ZNF135: variants seen among roughly 807,000 people sequenced by gnomAD.
ZNF135 encodes zinc finger protein 135 (clone pHZ-17).
In ZNF135, 11 loss-of-function variants were observed where a neutral mutation model predicts 12.3. The observed-to-expected ratio is 0.89, with a 90% CI of 0.56 to 1.48. The LOEUF is 1.48. Among genes scored for constraint, ZNF135 ranks in the 40% most tolerant of loss-of-function variants. The probability of loss-of-function intolerance (pLI) is 0.00; values close to 1 mark genes in which losing one functional copy is unlikely to be tolerated. For synonymous variants in ZNF135, 316 were observed against 312.0 expected, an observed-to-expected ratio of 1.01 and a Z score of -0.14; for missense variants, 722 against 815.7, an observed-to-expected ratio of 0.89 and a Z score of 1.40.
chr19:58,062,954 G>T (rs979393467), intron 3 of ZNF135, among the ~76,000 whole-genome samples: 1 of 152,160 alleles, frequency 6.6e-6, no homozygotes, highest in South Asian at 2.1e-4. Flanking sequence ...GCCTCCCAAA[G>T]TGCTGGAATT....
At position 58,068,280 on chromosome 19, in the gene ZNF135, C is replaced by T. The variant is rs769954512; in HGVS notation, c.1796C>T (p.Thr599Met). The T allele has an allele frequency of 2.7e-5, 43 of 1,613,814 alleles. No individual in the cohort carries two copies. The highest frequency in any genetic ancestry group is 6.7e-5 in the East Asian group (3 of 44,858). The stretch of plus-strand genomic sequence containing the variant: ...TCCTCGCTCAGCCAGCACGAAAGGA[C>T]GCACACTGGGGAAAAGCCCTATGAG... Reference protein sequence around the residue: ...HSSSLSQHERTHTGEKPYECH... With the variant: ...HSSSLSQHERMHTGEKPYECH... Residue 599 changes from threonine (T) to methionine (M), a missense_variant, in exon 5 of 5, where the codon ACG becomes ATG. By Grantham distance (81) the Thr-to-Met change is moderately conservative. Coordinates refer to ENST00000313434, the MANE Select transcript of ZNF135 (RefSeq NM_001289401.2).
In ZNF135 at chr19:58,067,988, G is replaced by A. The variant is rs1395286497; in HGVS notation, c.1504G>A (p.Ala502Thr). 1 of 1,613,760 alleles carries A rather than the reference G, an allele frequency of 6.2e-7. No homozygotes were observed. Among genetic ancestry groups the A allele is most frequent in the Non-Finnish European group, 8.5e-7 (1 of 1,179,996 alleles). ...CTATGAATGCAATGACTGCGGCAAGGCATTCAGTCACAGCTCGTCCCTCAC... is the reference window on the plus strand; with the variant it reads ...CTATGAATGCAATGACTGCGGCAAGACATTCAGTCACAGCTCGTCCCTCAC... ...KPYECNDCGK[A>T]FSHSSSLTKH... The change falls in exon 5 of 5, where the codon GCA becomes ACA. Residue 502 changes from alanine (A) to threonine (T), a missense_variant. Ala to Thr is a moderately conservative substitution (Grantham distance 58). Transcript: ENST00000313434.
In ZNF135 at chr19:58,059,809, C is replaced by A. The variant is rs1003392654; in HGVS notation, c.-34-160C>A. The A allele has an allele frequency of 1.7e-4, 147 of 857,734 alleles. No homozygotes were observed. The highest frequency in any genetic ancestry group is 2.4e-4 in the Non-Finnish European group (138 of 574,734). The allele number at this position is 857,734 out of a possible 1,614,324, so 53.1% of individuals were successfully genotyped here. ...GGGAAAACCCTAGGCTGCCCTTCTC[C>A]GAGCGGAGGGCCGCCCCACACACAG... On this transcript the variant is annotated intron_variant, in intron 1 of 4. Coordinates refer to ENST00000313434, the MANE Select transcript of ZNF135 (RefSeq NM_001289401.2). This position sits in a 1 kb window ranked among gnomAD's most constrained non-coding sequence, Gnocchi z 6.5.
chr19:58,059,942 C>T lies in ZNF135; in HGVS notation c.-34-27C>T. ...ACCTGAGCACCGCCTCTGCCTGCCC[C>T]AGCTGCTCACCTCCCCTTTCCCACA... On this transcript the variant is annotated intron_variant, in intron 1 of 4. Transcript: ENST00000313434. This position sits in a 1 kb window ranked among gnomAD's most constrained non-coding sequence, Gnocchi z 6.5. The T allele has an allele frequency of 6.2e-7, 1 of 1,610,964 alleles. No homozygotes were observed. Among genetic ancestry groups the T allele is most frequent in the South Asian group, 1.1e-5 (1 of 91,016 alleles).
At position 58,067,326 on chromosome 19, in the gene ZNF135, A is replaced by G. The variant is rs1302360805; in HGVS notation, c.842A>G (p.Gln281Arg). Reference protein sequence around the residue: ...KCTQCGRTFNQIAPLIQHQRT... With the variant: ...KCTQCGRTFNRIAPLIQHQRT... ...ACTCAGTGTGGGAGGACCTTCAACC[A>G]AATTGCCCCACTGATCCAGCACCAG... Residue 281 changes from glutamine (Q) to arginine (R), a missense_variant, in exon 5 of 5, where the codon CAA becomes CGA. Transcript: ENST00000313434. 6.8e-6 allele frequency: 11 copies of G among 1,614,058 alleles called. No individual in the cohort carries two copies. In the Admixed American group the frequency reaches 1.0e-4, roughly 15 times the overall value.
Position 58,060,017 on chromosome 19 carries a change from G to T in ZNF135, c.15G>T (p.Val5=). The T allele has an allele frequency of 6.2e-7, 1 of 1,613,518 alleles. No individual in the cohort carries two copies. The highest frequency in any genetic ancestry group is 8.5e-7 in the Non-Finnish European group (1 of 1,179,870). Residue 5 remains valine (V), a synonymous_variant, in exon 2 of 5, where the codon GTG becomes GTT. Transcript: ENST00000313434. This position sits in a 1 kb window ranked among gnomAD's most constrained non-coding sequence, Gnocchi z 4.9. ...GAAGCCAGGGCATGACCCCTGGGGTGCGCGTCTCCACAGACCCGGTGAGAA... is the reference window on the plus strand; with the variant it reads ...GAAGCCAGGGCATGACCCCTGGGGTTCGCGTCTCCACAGACCCGGTGAGAA... MTPG[V]RVSTDPEQVT...
In ZNF135 at chr19:58,068,515, C is replaced by G. The variant is rs749060163; in HGVS notation, c.*54C>G. On this transcript the variant is annotated 3_prime_UTR_variant, in exon 5 of 5. Coordinates refer to ENST00000313434, the MANE Select transcript of ZNF135 (RefSeq NM_001289401.2). Reference sequence around the variant, plus strand: ...GAAGACCTTAAGCCATAGCTCATCCCTTTCTAGATTTGACCCAATCATACA... The same window carrying G: ...GAAGACCTTAAGCCATAGCTCATCCGTTTCTAGATTTGACCCAATCATACA... The G allele has an allele frequency of 3.2e-6, 5 of 1,567,228 alleles. No individual in the cohort carries two copies. The highest frequency in any genetic ancestry group is 4.3e-6 in the Non-Finnish European group (5 of 1,157,422).
Position 58,063,231 on chromosome 19 carries a change from G to C in ZNF135, c.161-215G>C, listed in dbSNP as rs1387602502. Among the ~76,000 whole-genome samples the C allele has an allele frequency of 6.6e-6, 1 of 152,172 alleles. No homozygotes were observed. Among genetic ancestry groups the C allele is most frequent in the Non-Finnish European group, 1.5e-5 (1 of 68,040 alleles). On this transcript the variant is annotated intron_variant, in intron 3 of 4. Coordinates refer to ENST00000313434, the MANE Select transcript of ZNF135 (RefSeq NM_001289401.2). The surrounding 1 kb of genome is among the most constrained non-coding windows in gnomAD (Gnocchi z 4.4). ...ACCAGAGTTCTGATTGTCCAGGCTTGGGTCACATGTCCACCCCAGAACCAG... is the reference window on the plus strand; with the variant it reads ...ACCAGAGTTCTGATTGTCCAGGCTTCGGTCACATGTCCACCCCAGAACCAG...
At position 58,065,369 on chromosome 19, in the gene ZNF135, T is replaced by C. The variant is rs143563895; in HGVS notation, c.257-1372T>C. Among the ~76,000 whole-genome samples the C allele has an allele frequency of 1.3e-5, 2 of 152,256 alleles. No individual in the cohort carries two copies. Among genetic ancestry groups the C allele is most frequent in the Non-Finnish European group, 2.9e-5 (2 of 68,032 alleles). On this transcript the variant is annotated intron_variant, in intron 4 of 4. Transcript: ENST00000313434. This position sits in a 1 kb window ranked among gnomAD's most constrained non-coding sequence, Gnocchi z 4.0. ...TCACCATGCCCAGCTAATTTTTTTT[T>C]ATTTTTTGTAGAAACAAGGTCTCAT...
At position 58,063,337 on chromosome 19, in the gene ZNF135, C is replaced by G; in HGVS notation, c.161-109C>G. On this transcript the variant is annotated intron_variant, in intron 3 of 4. Coordinates refer to ENST00000313434, the MANE Select transcript of ZNF135 (RefSeq NM_001289401.2). This position sits in a 1 kb window ranked among gnomAD's most constrained non-coding sequence, Gnocchi z 4.4. ...TGTGGGTATGACAGCTGAAGTCACT[C>G]AGGGGTCCCCAGCCATCTGGGACCT... 6.7e-7 allele frequency: 1 copy of G among 1,501,208 alleles called. No homozygotes were observed. Among genetic ancestry groups the G allele is most frequent in the Non-Finnish European group, 8.9e-7 (1 of 1,119,804 alleles). The allele number at this position is 1,501,208 out of a possible 1,614,324, so 93.0% of individuals were successfully genotyped here.
Position 58,059,355 on chromosome 19 carries a change from C to CGGGCT in ZNF135, c.-35+49_-35+50insTGGGC, listed in dbSNP as rs1488071349. 1 of 766,662 alleles carries CGGGCT rather than the reference C, an allele frequency of 1.3e-6. No homozygotes were observed. Among genetic ancestry groups the CGGGCT allele is most frequent in the South Asian group, 2.7e-5 (1 of 36,650 alleles). The allele number at this position is 766,662 out of a possible 1,614,324, so 47.5% of individuals were successfully genotyped here. On this transcript the variant is annotated intron_variant, in intron 1 of 4. Coordinates refer to ENST00000313434, the MANE Select transcript of ZNF135 (RefSeq NM_001289401.2). This position sits in a 1 kb window ranked among gnomAD's most constrained non-coding sequence, Gnocchi z 6.5. ...AGGGGGAGGGGAGGCCAGGCCGGGC[C>CGGGCT]GGGCCGGGCCGGGTGCGGGGGGTCC...
In ZNF135 at chr19:58,063,474, C is replaced by G; in HGVS notation, c.189C>G (p.Ile63Met). The change falls in exon 4 of 5, where the codon ATC (isoleucine) becomes ATG (methionine). Residue 63 changes from isoleucine to methionine, a missense_variant. Physicochemically the swap from Ile to Met is conservative, Grantham distance 10 (BLOSUM62 1). Coordinates refer to ENST00000313434, the MANE Select transcript of ZNF135 (RefSeq NM_001289401.2). This position sits in a 1 kb window ranked among gnomAD's most constrained non-coding sequence, Gnocchi z 4.4. ...VGHWLPKPNV[I>M]SLLEQEAELW... ...ATTGGTTACCGAAGCCGAATGTCAT[C>G]TCCCTGCTGGAGCAAGAGGCAGAGC... 2 of 1,614,152 alleles carry G rather than the reference C, an allele frequency of 1.2e-6. No homozygotes were observed. Among genetic ancestry groups the G allele is most frequent in the Non-Finnish European group, 1.7e-6 (2 of 1,180,014 alleles).
In ZNF135 at chr19:58,067,632, A is replaced by G. The variant is rs1344191385; in HGVS notation, c.1148A>G (p.Glu383Gly). The G allele has an allele frequency of 1.2e-6, 2 of 1,613,764 alleles. No homozygotes were observed. The highest frequency in any genetic ancestry group is 1.7e-6 in the Non-Finnish European group (2 of 1,179,980). ...ATCCACACAGGGGAGAAGCCCTACG[A>G]GTGCCATGAGTGTGGAAAAGCCTTC... ...QRIHTGEKPY[E>G]CHECGKAFTQ... Residue 383 changes from glutamate (E) to glycine (G), a missense_variant, in exon 5 of 5, where the codon GAG (glutamate) becomes GGG (glycine). Transcript: ENST00000313434.
At chr19:58,066,448 C>T (rs1021233349) in intron 4 of ZNF135, among the ~76,000 whole-genome samples, 2 of 152,212 alleles carry the variant, frequency 1.3e-5, no homozygotes, top group African/African-American at 4.8e-5. Flanking sequence ...GTGCTCCCCT[C>T]ACAGACTCCA....
rs779182913 is a variant in ZNF135 at position 58,067,485 on chromosome 19, C to G, written c.1001C>G (p.Ala334Gly). ...TACGAGTGCAGTGAGTGTGGGAAAG[C>G]CTTCCGGCAAAGCATCCACCTCACC... ...KPYECSECGK[A>G]FRQSIHLTQH... The change falls in exon 5 of 5, where the codon GCC (alanine) becomes GGC (glycine). Residue 334 changes from alanine (A) to glycine (G), a missense_variant. By Grantham distance (60) the Ala-to-Gly change is moderately conservative. Transcript: ENST00000313434. 2 of 1,614,134 alleles carry G rather than the reference C, an allele frequency of 1.2e-6. No individual in the cohort carries two copies.
At position 58,060,258 on chromosome 19, in the gene ZNF135, TCTACTC is replaced by T; in HGVS notation, c.33+224_33+229del. ...ACCTGGCCTCTACTGGTGCCCGGCC[TCTACTC>T]GTGCCCGGCCTCTATTTGCACATCT... is the stretch of plus-strand genomic sequence containing the variant. On this transcript the variant is annotated intron_variant, in intron 2 of 4. Coordinates refer to ENST00000313434, the MANE Select transcript of ZNF135 (RefSeq NM_001289401.2). The surrounding 1 kb of genome is among the most constrained non-coding windows in gnomAD (Gnocchi z 4.9). 3.0e-6 allele frequency: 1 copy of T among 328,490 alleles called. No homozygotes were observed. Among genetic ancestry groups the T allele is most frequent in the Non-Finnish European group, 4.4e-6 (1 of 227,986 alleles). 20.3% of individuals were successfully genotyped at this position (328,490 alleles called of 1,614,324 possible).
chr19:58,063,813 C>T lies in ZNF135; in HGVS notation c.256+272C>T, dbSNP rs1030499364. On this transcript the variant is annotated intron_variant, in intron 4 of 4. Transcript: ENST00000313434. This position sits in a 1 kb window ranked among gnomAD's most constrained non-coding sequence, Gnocchi z 4.4. Reference sequence around the variant, plus strand: ...GATGATTACAGATTGTGATGAATGCCGAGAAAATGAAAATGAGCAATGAGG... The same window carrying T: ...GATGATTACAGATTGTGATGAATGCTGAGAAAATGAAAATGAGCAATGAGG... 13 of 676,546 alleles carry T rather than the reference C, an allele frequency of 1.9e-5. No individual in the cohort carries two copies. Among genetic ancestry groups the T allele is most frequent in the Non-Finnish European group, 2.2e-5 (12 of 548,354 alleles). 41.9% of individuals were successfully genotyped at this position (676,546 alleles called of 1,614,324 possible).
rs1478628067 is a variant in ZNF135, at chr19:58,060,572, AC to A, written c.33+538del. ...GGCGCATCGAGTGCCGCTTCCTCAG[AC>A]GTCATGGAGGCCAAGGGGGCGGAAC... On this transcript the variant is annotated intron_variant, in intron 2 of 4. Coordinates refer to ENST00000313434, the MANE Select transcript of ZNF135 (RefSeq NM_001289401.2). This position sits in a 1 kb window ranked among gnomAD's most constrained non-coding sequence, Gnocchi z 4.9. 1.4e-4 allele frequency among the ~76,000 whole-genome samples: 22 copies of A among 152,180 alleles called. No homozygotes were observed. Among genetic ancestry groups the A allele is most frequent in the African/African-American group, 5.1e-4 (21 of 41,446 alleles).
At position 58,067,223 on chromosome 19, in the gene ZNF135, T is replaced by C; in HGVS notation, c.739T>C (p.Cys247Arg). 1 of 1,614,106 alleles carries C rather than the reference T, an allele frequency of 6.2e-7. No homozygotes were observed. Among genetic ancestry groups the C allele is most frequent in the Non-Finnish European group, 8.5e-7 (1 of 1,179,974 alleles). The change falls in exon 5 of 5, where the codon TGC becomes CGC. Residue 247 changes from cysteine (C) to arginine (R), a missense_variant. By Grantham distance (180) the Cys-to-Arg change is radical. Coordinates refer to ENST00000313434, the MANE Select transcript of ZNF135 (RefSeq NM_001289401.2). ...AGAGAGACCTTACGAATGTCACGAA[T>C]GCTTAAAAGGCTTCCGGAACAGCTC... The part of the protein sequence containing the change: ...TGERPYECHE[C>R]LKGFRNSSAL...
Sources: allele counts gnomAD v4.1 joint callset (sites outside exome capture counted in the v4.1 genomes callset), GRCh38; gene constraint gnomAD v4.1.1; non-coding constraint Gnocchi (gnomAD v3.1); transcripts MANE v1.5; gene names NCBI Gene and HGNC (gene_info 2026-07-23, HGNC 2026-07-21).